The following PCLO variants were observed in gnomAD, a reference collection of about 807,000 sequenced individuals.
The protein encoded by PCLO is protein piccolo.
In PCLO, 82 loss-of-function variants were observed where a neutral mutation model predicts 427.5. The ratio of observed to expected loss-of-function variants is 0.19; its 90% CI spans 0.16 to 0.23. PCLO has a LOEUF of 0.23. PCLO is among the 10% of genes least tolerant of loss of function. The pLI is 1.00. For missense variants in PCLO, 6,239 were observed against 6,115.9 expected (o/e 1.02, Z -0.67); for synonymous variants, 2,357 against 2,155.4 (o/e 1.09, Z -2.59).
At chr7:82,900,320 T>A (rs1050646572) in intron 9 of PCLO, among the ~76,000 whole-genome samples, 4 of 151,598 alleles carry the variant, frequency 2.6e-5, no homozygotes, top group Non-Finnish European at 5.9e-5. Flanking sequence ...AAATACCCCG[T>A]TTGTTGTATC....
intron 3 of PCLO, among the ~76,000 whole-genome samples, chr7:82,969,871 C>A (rs1795862527): frequency 6.6e-6 from 1 of 151,916 alleles, no homozygotes; most frequent in South Asian, 2.1e-4. Context: ...AGATATTTTC[C>A]AAGAAGGTTT....
chr7:83,098,858 C>T (rs930862567), intron 3 of PCLO, among the ~76,000 whole-genome samples: 1 of 151,862 alleles, frequency 6.6e-6, no homozygotes, highest in Non-Finnish European at 1.5e-5. Context: ...AGAAAAAAAG[C>T]TATAATGAGC....
At chr7:82,943,418 A>T (rs1215419551) in intron 6 of PCLO, among the ~76,000 whole-genome samples, 4 of 152,156 alleles carry the variant, frequency 2.6e-5, no homozygotes, top group African/African-American at 9.7e-5. Context: ...AGTGTGTACT[A>T]TCATTGCCAA....
At position 82,950,141 on chromosome 7, in the gene PCLO, C is replaced by T. The variant is rs1054255609; in HGVS notation, c.10447G>A (p.Asp3483Asn). Residue 3483 changes from aspartate (D) to asparagine (N), a missense_variant, in exon 6 of 25, where the codon GAT (aspartate) becomes AAT (asparagine). This residue lies in a region of PCLO where 4,677 missense variants were observed against 4,468.4 expected (regional missense o/e 1.05). Transcript: ENST00000333891. ...QTDDEDQDEW[D>N]MPTRSRRKAR... ...TTCCTCCTTGATCTAGTAGGCATAT[C>T]CCACTCATCCTGATCTTCATCATCA... 1 of 1,610,344 alleles carries T rather than the reference C, an allele frequency of 6.2e-7. No individual in the cohort carries two copies.
Position 82,915,706 on chromosome 7 carries a change from A to G in PCLO, c.12280T>C (p.Phe4094Leu). 2 of 1,612,734 alleles carry G rather than the reference A, an allele frequency of 1.2e-6. No individual in the cohort carries two copies. ...ETRRSQEVTD[F>L]LAPLQSSSRL... is the part of the protein sequence containing the mutation. ...GAGGAAGACTGTAAAGGTGCTAGGA[A>G]ATCTGTCACTTCTTGAGACCGGCGT... The change falls in exon 7 of 25, where the codon TTC (phenylalanine) becomes CTC (leucine). Residue 4094 changes from phenylalanine to leucine, a missense_variant. This residue lies in a region of PCLO where 680 missense variants were observed against 677.3 expected (regional missense o/e 1.00). Coordinates refer to ENST00000333891, the MANE Select transcript of PCLO (RefSeq NM_033026.6).
At chr7:83,084,290 T>C (rs2116410191) in intron 3 of PCLO, among the ~76,000 whole-genome samples, 1 of 152,174 alleles carries the variant, frequency 6.6e-6, no homozygotes, top group East Asian at 1.9e-4. Context: ...TGACTATAAA[T>C]TAATATTTTG....
intron 3 of PCLO, among the ~76,000 whole-genome samples, chr7:83,078,905 CAA>C (rs1790026395): frequency 6.6e-6 from 1 of 151,976 alleles, no homozygotes; most frequent in Non-Finnish European, 1.5e-5. Flanking sequence ...ACCAGCAAAT[CAA>C]AGATATAAGC....
At chr7:82,940,882 C>T (rs1438306301) in intron 6 of PCLO, among the ~76,000 whole-genome samples, 2 of 150,810 alleles carry the variant, frequency 1.3e-5, no homozygotes, top group Non-Finnish European at 3.0e-5. Flanking sequence ...CCTGTCTTAG[C>T]CTCCCGAGTA....
In PCLO at chr7:82,804,521, C is replaced by G. The variant is rs185333056; in HGVS notation, c.14933+1167G>C. On this transcript the variant is annotated intron_variant, in intron 21 of 24. Coordinates refer to ENST00000333891, the MANE Select transcript of PCLO (RefSeq NM_033026.6). ...TTAAAACAAAGAGAAATAGACAATC[C>G]ACCCCCTGAAAAGTCTTCACTTAGC... is the stretch of plus-strand genomic sequence containing the variant. Among the ~76,000 whole-genome samples, 10 of 152,078 alleles carry G rather than the reference C, an allele frequency of 6.6e-5. No individual in the cohort carries two copies. In the East Asian group the frequency reaches 1.9e-3, roughly 29 times the overall value.
intron 24 of PCLO, among the ~76,000 whole-genome samples, chr7:82,759,942 G>A (rs1790396139): frequency 6.6e-6 from 1 of 151,926 alleles, no homozygotes; most frequent in African/African-American, 2.4e-5. Flanking sequence ...ACTAATAGAA[G>A]CAAAATGCTT....
Position 82,757,911 on chromosome 7 carries a change from T to G in PCLO, c.*664A>C, listed in dbSNP as rs1436664471. On this transcript the variant is annotated 3_prime_UTR_variant, in exon 25 of 25. Coordinates refer to ENST00000333891, the MANE Select transcript of PCLO (RefSeq NM_033026.6). ...GTTTCAAATGATACAGAAACAAATG[T>G]GCTTTTACCACATGGATTCCAAAGT... is the stretch of plus-strand genomic sequence containing the variant. 1 of 152,064 alleles carries G rather than the reference T, an allele frequency of 6.6e-6. No homozygotes were observed. The highest frequency in any genetic ancestry group is 1.5e-5 in the Non-Finnish European group (1 of 67,942). The allele number at this position is 152,064 out of a possible 1,614,324, so 9.4% of individuals were successfully genotyped here. A position where few individuals can be genotyped will look rare whatever the true frequency, so the allele number is the denominator to read the frequency against.
At chr7:82,978,314 A>C (rs1409237800) in intron 3 of PCLO, among the ~76,000 whole-genome samples, 2 of 152,088 alleles carry the variant, frequency 1.3e-5, no homozygotes, top group Non-Finnish European at 2.9e-5. Context: ...ATATGGGGCT[A>C]ATTGTTAAAA....
intron 6 of PCLO, among the ~76,000 whole-genome samples, chr7:82,927,728 T>C (rs1794745374): frequency 6.6e-6 from 1 of 152,194 alleles, no homozygotes. Context: ...CACTGTATCT[T>C]TATACACATC....
At chr7:83,019,505 T>TG (rs1788289785) in intron 3 of PCLO, among the ~76,000 whole-genome samples, 1 of 151,686 alleles carries the variant, frequency 6.6e-6, no homozygotes, top group South Asian at 2.1e-4. Context: ...AGTATCCTGG[T>TG]GGGTATATTT....
chr7:82,937,738 C>T (rs1794991037), intron 6 of PCLO, among the ~76,000 whole-genome samples: 1 of 151,720 alleles, frequency 6.6e-6, no homozygotes, highest in African/African-American at 2.4e-5. Flanking sequence ...AGAGAATAGA[C>T]TCAATTGCAA....
chr7:82,955,826 T>G lies in PCLO; in HGVS notation c.5127A>C (p.Glu1709Asp), dbSNP rs767813179. ...LEMESLTDSP[E>D]DRSRGEGSSS... Reference sequence around the variant, plus strand: ...AAGATCCCTCTCCCCTTGACCTATCTTCAGGTGAGTCTGTCAGGCTTTCCA... The same window carrying G: ...AAGATCCCTCTCCCCTTGACCTATCGTCAGGTGAGTCTGTCAGGCTTTCCA... Residue 1709 changes from glutamate to aspartate, a missense_variant, in exon 5 of 25, where the codon GAA becomes GAC. This residue lies in a region of PCLO where 4,677 missense variants were observed against 4,468.4 expected (regional missense o/e 1.05). Coordinates refer to ENST00000333891, the MANE Select transcript of PCLO (RefSeq NM_033026.6). 5 of 1,613,868 alleles carry G rather than the reference T, an allele frequency of 3.1e-6. No homozygotes were observed. The African/African-American group carries it at 6.7e-5, about 22-fold the overall frequency.
intron 22 of PCLO, among the ~76,000 whole-genome samples, chr7:82,781,278 C>T (rs192713994): frequency 2.6e-5 from 4 of 151,546 alleles, no homozygotes; most frequent in African/African-American, 9.7e-5. Flanking sequence ...TATAAAGAAA[C>T]TGCCATTTCT....
intron 3 of PCLO, among the ~76,000 whole-genome samples, chr7:82,972,540 A>G (rs1026905242): frequency 6.6e-6 from 1 of 152,078 alleles, no homozygotes; most frequent in Non-Finnish European, 1.5e-5. Context: ...AACCTACGTG[A>G]ACATTCATAT....
At chr7:82,886,828 T>C (rs1015408469) in intron 9 of PCLO, among the ~76,000 whole-genome samples, 2 of 152,222 alleles carry the variant, frequency 1.3e-5, no homozygotes, top group African/African-American at 4.8e-5. Context: ...AAACATCCCA[T>C]TGAAATTATG....
Sources: gnomAD v4.1 joint callset for allele counts (sites outside exome capture counted in the v4.1 genomes callset) on GRCh38, gnomAD v4.1.1 for gene constraint, gnomAD v4.1.1 regional missense constraint, MANE v1.5 for transcripts, NCBI Gene and HGNC (gene_info 2026-07-23, HGNC 2026-07-21) for gene names.